The following MECOM variants were observed in gnomAD, a reference collection of about 807,000 sequenced individuals.
MECOM encodes histone-lysine N-methyltransferase MECOM.
MECOM carries 13 observed loss-of-function variants against 116.3 expected under a neutral mutation model. The observed-to-expected ratio is 0.11, with a 90% CI of 0.07 to 0.18. MECOM has a LOEUF of 0.18. MECOM is among the 10% of genes least tolerant of loss of function. The probability of loss-of-function intolerance (pLI) is 1.00; values close to 1 mark genes in which losing one functional copy is unlikely to be tolerated. For synonymous variants in MECOM, 528 were observed against 535.2 expected, an observed-to-expected ratio of 0.99 and a Z score of 0.19; for missense variants, 1,299 against 1,509.0, an observed-to-expected ratio of 0.86 and a Z score of 2.31.
intron 2 of MECOM, among the ~76,000 whole-genome samples, chr3:169,304,848 T>C (rs1717378628): frequency 6.6e-6 from 1 of 152,066 alleles, no homozygotes; most frequent in South Asian, 2.1e-4. Context: ...GTTTTTATAA[T>C]TAGATATCTC....
chr3:169,493,933 A>G (rs879618680), intron 1 of MECOM, among the ~76,000 whole-genome samples: 1 of 116,062 alleles, frequency 8.6e-6, no homozygotes, highest in Admixed American at 8.6e-5. Context: ...ACCTGACAGT[A>G]ACGTGGTTAA....
At chr3:169,256,598 C>A (rs1002438768) in intron 2 of MECOM, among the ~76,000 whole-genome samples, 2 of 152,180 alleles carry the variant, frequency 1.3e-5, no homozygotes, top group African/African-American at 4.8e-5. Context: ...ACACAGATTT[C>A]AAGTGGGCAA....
At chr3:169,225,673 G>A (rs527425353) in intron 2 of MECOM, among the ~76,000 whole-genome samples, 4 of 152,262 alleles carry the variant, frequency 2.6e-5, no homozygotes, top group East Asian at 3.9e-4. Context: ...GCAGTGGTGC[G>A]ATCTCAGCTC....
chr3:169,269,837 G>A (rs1348586252), intron 2 of MECOM, among the ~76,000 whole-genome samples: 3 of 152,008 alleles, frequency 2.0e-5, no homozygotes, highest in Non-Finnish European at 4.4e-5. Context: ...AAACACCTTT[G>A]GTTTCTTCAA....
At chr3:169,136,193 C>T (rs1736305653) in intron 3 of MECOM, among the ~76,000 whole-genome samples, 1 of 151,666 alleles carries the variant, frequency 6.6e-6, no homozygotes, top group Non-Finnish European at 1.5e-5. Context: ...CAAATTTAGA[C>T]TTCCAAACTG....
intron 1 of MECOM, among the ~76,000 whole-genome samples, chr3:169,392,548 G>A (rs1337382468): frequency 6.6e-6 from 1 of 152,116 alleles, no homozygotes; most frequent in East Asian, 1.9e-4. Context: ...TGTGTAAGTT[G>A]CTAAGGATAG....
chr3:169,572,586 C>G (rs577690781), intron 1 of MECOM, among the ~76,000 whole-genome samples: 167 of 152,262 alleles, frequency 1.1e-3, no homozygotes, highest in African/African-American at 3.9e-3. Flanking sequence ...GACTTGGAAC[C>G]AACCCAAATG....
At chr3:169,441,498 A>G (rs951099269) in intron 1 of MECOM, among the ~76,000 whole-genome samples, 24 of 152,154 alleles carry the variant, frequency 1.6e-4, no homozygotes, top group African/African-American at 5.5e-4. Flanking sequence ...AAAAAATAGA[A>G]AGACTATAGG....
At position 169,287,880 on chromosome 3, in the gene MECOM, G is replaced by A. The variant is rs530206128; in HGVS notation, c.375+93307C>T. ...ATTCCGCCCACGTTGAATCCCATAC[G>A]ACAATATGTTTTGTGCCCAGGGCAT... On this transcript the variant is annotated intron_variant, in intron 2 of 16. Coordinates refer to ENST00000651503, the MANE Select transcript of MECOM (RefSeq NM_004991.4). Among the ~76,000 whole-genome samples, 3 of 152,210 alleles carry A rather than the reference G, an allele frequency of 2.0e-5. No homozygotes were observed. In the East Asian group the frequency reaches 5.8e-4, roughly 29 times the overall value.
intron 1 of MECOM, among the ~76,000 whole-genome samples, chr3:169,438,535 C>T (rs947006292): frequency 5.9e-5 from 9 of 152,136 alleles, no homozygotes; most frequent in Non-Finnish European, 1.3e-4. Flanking sequence ...TTTTATCCAC[C>T]GATTCCCATC....
intron 2 of MECOM, among the ~76,000 whole-genome samples, chr3:169,185,087 G>A (rs1443734107): frequency 4.6e-5 from 7 of 152,124 alleles, no homozygotes; most frequent in African/African-American, 7.2e-5. Context: ...GGGGCAAAAC[G>A]GAAACGTTCA....
At chr3:169,246,098 T>A (rs931271258) in intron 2 of MECOM, among the ~76,000 whole-genome samples, 4 of 152,230 alleles carry the variant, frequency 2.6e-5, no homozygotes, top group Admixed American at 6.5e-5. Context: ...GTAATCCATA[T>A]CATAGGGGAA....
At chr3:169,312,517 C>G (rs532326319) in intron 2 of MECOM, among the ~76,000 whole-genome samples, 1 of 151,788 alleles carries the variant, frequency 6.6e-6, no homozygotes, top group African/African-American at 2.4e-5. Flanking sequence ...CACAGGTGCC[C>G]GCCACCATGC....
At chr3:169,600,798 T>C (rs1767749939) in intron 1 of MECOM, among the ~76,000 whole-genome samples, 1 of 152,250 alleles carries the variant, frequency 6.6e-6, no homozygotes, top group Admixed American at 6.5e-5. Context: ...GTGATTATTT[T>C]TGGCTGAGCT....
intron 1 of MECOM, among the ~76,000 whole-genome samples, chr3:169,626,286 C>T (rs771049698): frequency 4.6e-5 from 7 of 152,174 alleles, no homozygotes; most frequent in African/African-American, 7.2e-5. Context: ...GGAATTCTCA[C>T]GGTAATATGT....
At chr3:169,343,851 C>T (rs1347713097) in intron 2 of MECOM, among the ~76,000 whole-genome samples, 4 of 152,130 alleles carry the variant, frequency 2.6e-5, no homozygotes, top group African/African-American at 9.7e-5. Context: ...ATTAGTCAAA[C>T]ATTTTGCAGT....
chr3:169,476,891 A>G (rs555523933), intron 1 of MECOM: 14 of 150,010 alleles, frequency 9.3e-5, no homozygotes, highest in African/African-American at 3.4e-4. Context: ...CACAGGCAAC[A>G]TGTTCCACTG....
intron 1 of MECOM, among the ~76,000 whole-genome samples, chr3:169,400,566 G>GCC (rs1735713395): frequency 6.6e-6 from 1 of 152,064 alleles, no homozygotes; most frequent in Admixed American, 6.5e-5. Flanking sequence ...ACAGTGAAAA[G>GCC]CCAGTATGTT....
At chr3:169,483,837 G>A in intron 1 of MECOM, 2 of 1,611,680 alleles carry the variant, frequency 1.2e-6, no homozygotes, top group Non-Finnish European at 1.7e-6. Flanking sequence ...AGGCACCTCG[G>A]ATGTCACGGT....
Sources: gnomAD v4.1 joint callset for allele counts (sites outside exome capture counted in the v4.1 genomes callset) on GRCh38, gnomAD v4.1.1 for gene constraint, MANE v1.5 for transcripts, NCBI Gene and HGNC (gene_info 2026-07-23, HGNC 2026-07-21) for gene names.